Variants in RBM33 observed in about 807,000 individuals in gnomAD.
RBM33 encodes RNA-binding protein 33.
RBM33 carries 28 observed loss-of-function variants against 132.6 expected under a neutral mutation model. The ratio of observed to expected loss-of-function variants is 0.21; its 90% CI spans 0.16 to 0.29. RBM33 has a LOEUF of 0.29. Ranked by LOEUF, RBM33 falls within the 10% of genes least tolerant of loss-of-function variation. The pLI, the probability that RBM33 is intolerant of heterozygous loss-of-function variation, is 1.00. For missense variants in RBM33, 1,291 were observed against 1,518.5 expected (o/e 0.85, Z 2.49); for synonymous variants, 634 against 593.0 (o/e 1.07, Z -1.01).
chr7:155,648,087 C>T (rs1156859769), intron 1 of RBM33, among the ~76,000 whole-genome samples: 1 of 152,068 alleles, frequency 6.6e-6, no homozygotes, highest in Non-Finnish European at 1.5e-5. Flanking sequence ...TTTTTGTTTT[C>T]TAGTCAATTC....
In RBM33 at chr7:155,753,817, G is replaced by A. The variant is rs146675549; in HGVS notation, c.2979+8215G>A. 1.8e-3 allele frequency among the ~76,000 whole-genome samples: 268 copies of A among 152,346 alleles called. 2 individuals carry two copies. Among genetic ancestry groups the A allele is most frequent in the African/African-American group, 6.2e-3 (256 of 41,572 alleles). On this transcript the variant is annotated intron_variant, in intron 14 of 17. Coordinates refer to ENST00000401878, the MANE Select transcript of RBM33 (RefSeq NM_053043.3). ...ATGCCTGCCAAGTTGGCTGGGTGGA[G>A]TTTGACCTCATTTGTTTAAAGGTGC...
At chr7:155,700,540 T>G (rs1435020064) in intron 5 of RBM33, among the ~76,000 whole-genome samples, 1 of 132,486 alleles carries the variant, frequency 7.5e-6, no homozygotes, top group Non-Finnish European at 1.5e-5. Context: ...CAAGCAAGAA[T>G]TTGACCTTTT....
chr7:155,695,492 C>G (rs1377451756), intron 5 of RBM33, among the ~76,000 whole-genome samples: 2 of 152,134 alleles, frequency 1.3e-5, no homozygotes, highest in Non-Finnish European at 2.9e-5. Flanking sequence ...CAGAGTCTCA[C>G]TCTGGCGCCC....
In RBM33 at chr7:155,777,416, C is replaced by T. The variant is rs761365266; in HGVS notation, c.*2375C>T. On this transcript the variant is annotated 3_prime_UTR_variant, in exon 18 of 18. Transcript: ENST00000401878. The stretch of plus-strand genomic sequence containing the variant: ...GACCTCACTCAATACCCACAACCAT[C>T]GAAAATGGATTCTTAGTACCAGACA... 1.3e-5 allele frequency: 2 copies of T among 152,132 alleles called. No homozygotes were observed. Among genetic ancestry groups the T allele is most frequent in the Non-Finnish European group, 2.9e-5 (2 of 68,022 alleles). 9.4% of individuals were successfully genotyped at this position (152,132 alleles called of 1,614,324 possible).
intron 1 of RBM33, among the ~76,000 whole-genome samples, chr7:155,659,086 A>G (rs528702288): frequency 6.6e-6 from 1 of 152,248 alleles, no homozygotes; most frequent in Non-Finnish European, 1.5e-5. Flanking sequence ...AATGGACAGC[A>G]ACCTTCATTG....
chr7:155,690,432 C>T (rs1002956834), intron 5 of RBM33, among the ~76,000 whole-genome samples: 2 of 152,116 alleles, frequency 1.3e-5, no homozygotes, highest in African/African-American at 4.8e-5. Flanking sequence ...GTTCGCCAGT[C>T]TGTGTCTTTT....
intron 1 of RBM33, among the ~76,000 whole-genome samples, chr7:155,654,963 C>T (rs1287989457): frequency 6.6e-6 from 1 of 152,000 alleles, no homozygotes; most frequent in East Asian, 1.9e-4. Context: ...ATTGTAATAT[C>T]TTTGTGCTTT....
rs377113273 is a variant in RBM33 at position 155,742,008 on chromosome 7, G to A, written c.2239G>A (p.Val747Met). The change falls in exon 13 of 18, where the codon GTG (valine) becomes ATG (methionine). Residue 747 changes from valine to methionine, a missense_variant. Val to Met is a conservative substitution (Grantham distance 21, BLOSUM62 1). Coordinates refer to ENST00000401878, the MANE Select transcript of RBM33 (RefSeq NM_053043.3). ...IVSASPPSRA[V>M]AGSRSSQGKT... is the part of the protein sequence containing the mutation. ...CAGCGCGTCACCACCCTCGCGGGCC[G>A]TGGCGGGTTCCAGAAGCTCACAGGG... 172 of 1,614,018 alleles carry A rather than the reference G, an allele frequency of 1.1e-4. No individual in the cohort carries two copies. Among genetic ancestry groups the A allele is most frequent in the East Asian group, 7.6e-4 (34 of 44,876 alleles).
At chr7:155,675,287 CCGTCTCAAAAAAAAAAA>C (rs1799147902) in intron 3 of RBM33, among the ~76,000 whole-genome samples, 1 of 129,948 alleles carries the variant, frequency 7.7e-6, no homozygotes, top group Non-Finnish European at 1.5e-5. Context: ...GAGTGAGACT[CCGTCTCAAAAAAAAAAA>C]AAAAAAAAAA....
At position 155,727,435 on chromosome 7, in the gene RBM33, G is replaced by A; in HGVS notation, c.1260+8992G>A. On this transcript the variant is annotated intron_variant, in intron 9 of 17. Coordinates refer to ENST00000401878, the MANE Select transcript of RBM33 (RefSeq NM_053043.3). ...AGAATTTGTGCTAGGTAAGCAGTTA[G>A]CAGTCTTTCCCATGTGGCTGACATG... is the stretch of plus-strand genomic sequence containing the variant. Among the ~76,000 whole-genome samples, 2 of 152,194 alleles carry A rather than the reference G, an allele frequency of 1.3e-5. 1 individual carries two copies. The highest frequency in any genetic ancestry group is 1.3e-4 in the Admixed American group (2 of 15,290).
intron 3 of RBM33, among the ~76,000 whole-genome samples, chr7:155,673,940 G>GTTGTTGTTTGTTTTTGTTTTTTTTTT: frequency 3.0e-4 from 16 of 54,214 alleles, no homozygotes; most frequent in Middle Eastern, 9.8e-3. Context: ...TTTAGGCTTA[G>GTTGTTGTTTGTTTTTGTTTTTTTTTT]TTTTTTTTTT....
In RBM33 at chr7:155,745,636, G is replaced by A. The variant is rs1269497309; in HGVS notation, c.2979+34G>A. 6.6e-7 allele frequency: 1 copy of A among 1,515,070 alleles called. No individual in the cohort carries two copies. Among genetic ancestry groups the A allele is most frequent in the Admixed American group, 2.2e-5 (1 of 45,414 alleles). 93.9% of individuals were successfully genotyped at this position (1,515,070 alleles called of 1,614,324 possible). On this transcript the variant is annotated intron_variant, in intron 14 of 17. Coordinates refer to ENST00000401878, the MANE Select transcript of RBM33 (RefSeq NM_053043.3). The surrounding 1 kb of genome is among the most constrained non-coding windows in gnomAD (Gnocchi z 4.1). ...ACAAGTTTTATGAGAGCCTCTTTGA[G>A]TCTGTGTATCACATAGAATGTCCTC...
At chr7:155,773,568 CAAAAAAAAAAAAAAAA>C (rs201127157) in intron 16 of RBM33, among the ~76,000 whole-genome samples, 5 of 50,476 alleles carry the variant, frequency 9.9e-5, no homozygotes, top group South Asian at 9.1e-4. Flanking sequence ...ACTCCATCTC[CAAAAAAAAAAAAAAAA>C]AAAAAAAAAA....
chr7:155,674,828 A>C (rs1799131331), intron 3 of RBM33, among the ~76,000 whole-genome samples: 1 of 152,258 alleles, frequency 6.6e-6, no homozygotes, highest in African/African-American at 2.4e-5. Flanking sequence ...TTTACTTTGG[A>C]ACAGGAGATG....
At chr7:155,665,315 C>T (rs922070550) in intron 2 of RBM33, 62 bp downstream of exon 2, 5 of 1,456,026 alleles carry the variant, frequency 3.4e-6, no homozygotes, top group African/African-American at 2.8e-5. Flanking sequence ...TGACACTTGG[C>T]TCCTGAGGGA....
intron 5 of RBM33, among the ~76,000 whole-genome samples, chr7:155,691,851 A>G (rs540368069): frequency 6.6e-6 from 1 of 152,126 alleles, no homozygotes; most frequent in Non-Finnish European, 1.5e-5. Context: ...AGCTCAGGAG[A>G]CCAACATGGG....
At chr7:155,763,533 A>G (rs1802104772) in intron 14 of RBM33, among the ~76,000 whole-genome samples, 1 of 152,258 alleles carries the variant, frequency 6.6e-6, no homozygotes, top group African/African-American at 2.4e-5. Context: ...ATTTCACGGA[A>G]TTCGACAACA....
intron 5 of RBM33, chr7:155,685,142 C>T (rs993232608): frequency 9.2e-6 from 12 of 1,306,574 alleles, no homozygotes; most frequent in African/African-American, 5.9e-5. Context: ...TAGCGAAAGT[C>T]GATACGTATC....
At position 155,741,975 on chromosome 7, in the gene RBM33, C is replaced by T. The variant is rs748685526; in HGVS notation, c.2206C>T (p.Pro736Ser). The T allele has an allele frequency of 4.0e-5, 65 of 1,613,866 alleles. No individual in the cohort carries two copies. The highest frequency in any genetic ancestry group is 5.4e-5 in the Non-Finnish European group (64 of 1,179,904). The change falls in exon 13 of 18, where the codon CCT becomes TCT. Residue 736 changes from proline to serine, a missense_variant. Coordinates refer to ENST00000401878, the MANE Select transcript of RBM33 (RefSeq NM_053043.3). ...CSATPSAQVK[P>S]IVSASPPSRA... ...TGCCACGCCCTCAGCACAAGTGAAA[C>T]CTATCGTCAGCGCGTCACCACCCTC...
Sources: gnomAD v4.1 joint callset for allele counts (sites outside exome capture counted in the v4.1 genomes callset) on GRCh38, gnomAD v4.1.1 for gene constraint, Gnocchi (gnomAD v3.1) non-coding constraint, MANE v1.5 for transcripts, NCBI Gene and HGNC (gene_info 2026-07-23, HGNC 2026-07-21) for gene names.